SLF1: variants seen among roughly 807,000 people sequenced by gnomAD.
SLF1 encodes SMC5/6 complex localization factor 1.
Under a neutral mutation model 123.0 loss-of-function variants are expected in SLF1, and 105 were observed. The observed-to-expected ratio is 0.85, with a 90% CI of 0.73 to 1.00. The LOEUF is 1.00. SLF1 is among the 50% of genes least tolerant of loss of function. The pLI, the probability that SLF1 is intolerant of heterozygous loss-of-function variation, is 0.00. For missense variants in SLF1, 1,239 were observed against 1,223.0 expected (o/e 1.01, Z -0.20); for synonymous variants, 434 against 406.6 (o/e 1.07, Z -0.81).
chr5:94,686,589 A>G lies in SLF1; in HGVS notation c.1992A>G (p.Glu664=), dbSNP rs940684568. 21 of 1,613,772 alleles carry G rather than the reference A, an allele frequency of 1.3e-5. No homozygotes were observed. Among genetic ancestry groups the G allele is most frequent in the Non-Finnish European group, 1.6e-5 (19 of 1,179,840 alleles). The change falls in exon 16 of 21, where the codon GAA becomes GAG. Residue 664 remains glutamate (E), a synonymous_variant. Coordinates refer to ENST00000265140, the MANE Select transcript of SLF1 (RefSeq NM_032290.4). ...GTTCTCCAGACTTTTCTTCACAGGA[A>G]TTAGAGATTTTCATTTGCTCCTTTT... ...SLSCDDFSSQ[E]LEIFICSFSS...
intron 3 of SLF1, 112 bp from the exon 4 acceptor site, chr5:94,630,391 A>C: frequency 8.0e-7 from 1 of 1,247,420 alleles, no homozygotes; most frequent in South Asian, 1.6e-5. Flanking sequence ...TGTTAGCAGC[A>C]TAGCTTAAGA....
rs1295015466 is a variant in SLF1, at chr5:94,670,967, T to C, written c.1786T>C (p.Trp596Arg). 1 of 1,549,054 alleles carries C rather than the reference T, an allele frequency of 6.5e-7. No individual in the cohort carries two copies. The highest frequency in any genetic ancestry group is 8.7e-7 in the Non-Finnish European group (1 of 1,145,132). The part of the protein sequence containing the change: ...LTKPVNMLLE[W>R]TIYSHKEKFK... Reference sequence around the variant, plus strand: ...CAAACCAGTAAATATGCTTTTGGAATGGACTATATATTCTCACAAGGAAAA... The same window carrying C: ...CAAACCAGTAAATATGCTTTTGGAACGGACTATATATTCTCACAAGGAAAA... Residue 596 changes from tryptophan to arginine, a missense_variant, in exon 14 of 21, where the codon TGG (tryptophan) becomes CGG (arginine). Trp to Arg is a moderately radical substitution (Grantham distance 101). Transcript: ENST00000265140.
At position 94,692,099 on chromosome 5, in the gene SLF1, T is replaced by C; in HGVS notation, c.2538T>C (p.His846=). 1 of 1,613,650 alleles carries C rather than the reference T, an allele frequency of 6.2e-7. No individual in the cohort carries two copies. The highest frequency in any genetic ancestry group is 8.5e-7 in the Non-Finnish European group (1 of 1,179,706). ...ACAATGCTGGCTGGACGCCTTTGCA[T>C]GAAGCCTGTAACTATGGCAACACAG... ...VKDNAGWTPL[H]EACNYGNTVC... is the part of the protein sequence containing the mutation. Residue 846 remains histidine (H), a synonymous_variant, in exon 20 of 21, where the codon CAT becomes CAC. Coordinates refer to ENST00000265140, the MANE Select transcript of SLF1 (RefSeq NM_032290.4).
intron 3 of SLF1, 27 bp downstream of exon 3, chr5:94,629,194 T>C: frequency 6.6e-7 from 1 of 1,514,828 alleles, no homozygotes; most frequent in Middle Eastern, 1.7e-4. Context: ...CCCCCAACTT[T>C]TAAAAACAAT....
intron 18 of SLF1, 125 bp downstream of exon 18, chr5:94,689,731 AC>A: frequency 3.9e-6 from 3 of 768,264 alleles, no homozygotes; most frequent in Non-Finnish European, 4.1e-6. Context: ...TCCAGGAAGT[AC>A]CTTCTTGGAT....
At chr5:94,647,341 A>G (rs540837856) in intron 5 of SLF1, among the ~76,000 whole-genome samples, 17 of 152,314 alleles carry the variant, frequency 1.1e-4, no homozygotes, top group African/African-American at 1.7e-4. Flanking sequence ...CTTCTTATGC[A>G]TCTGGTCTAA....
intron 13 of SLF1, among the ~76,000 whole-genome samples, chr5:94,670,600 A>G (rs1033954139): frequency 9.9e-5 from 15 of 152,022 alleles, no homozygotes; most frequent in African/African-American, 3.6e-4. Flanking sequence ...TGAGCCTACA[A>G]TGGTAAGTTT....
At chr5:94,671,057 G>T in intron 14 of SLF1, 49 bp downstream of exon 14, 1 of 1,278,678 alleles carries the variant, frequency 7.8e-7, no homozygotes, top group South Asian at 1.6e-5. Flanking sequence ...ACAGCACTTT[G>T]AATTATTTAC....
intron 15 of SLF1, among the ~76,000 whole-genome samples, chr5:94,679,610 C>A (rs1376647759): frequency 6.0e-5 from 9 of 151,180 alleles, no homozygotes; most frequent in Admixed American, 1.3e-4. Context: ...AAAAAACAAA[C>A]AAAAAAAACT....
At chr5:94,661,537 TTG>T in intron 9 of SLF1, among the ~76,000 whole-genome samples, 1 of 151,634 alleles carries the variant, frequency 6.6e-6, no homozygotes. Flanking sequence ...TTTTGTTTTT[TTG>T]TTTTTTTTTT....
At chr5:94,625,966 A>T (rs1018461559) in intron 1 of SLF1, among the ~76,000 whole-genome samples, 1 of 152,038 alleles carries the variant, frequency 6.6e-6, no homozygotes, top group African/African-American at 2.4e-5. Flanking sequence ...AAAAAATTGT[A>T]TGATTAGGTC....
intron 5 of SLF1, among the ~76,000 whole-genome samples, chr5:94,647,248 A>ATT (rs1747169704): frequency 6.6e-6 from 1 of 152,248 alleles, no homozygotes; most frequent in Non-Finnish European, 1.5e-5. Context: ...GTGAAATACT[A>ATT]TTTAAGCATC....
rs145460338 is a variant in SLF1, at chr5:94,639,320, G to A, written c.432-3953G>A. 4.1e-3 allele frequency among the ~76,000 whole-genome samples: 626 copies of A among 152,216 alleles called. 4 individuals are homozygous for A. Among genetic ancestry groups the A allele is most frequent in the African/African-American group, 0.015 (605 of 41,530 alleles). On this transcript the variant is annotated intron_variant, in intron 4 of 20. Transcript: ENST00000265140. ...CTCCCAAAGTGCTGGGATTACAGGC[G>A]TGAGCCACTGCAGCCAGCCATCCCA...
intron 11 of SLF1, 127 bp downstream of exon 11, chr5:94,664,035 A>T (rs1025140760): frequency 1.9e-5 from 16 of 856,548 alleles, no homozygotes; most frequent in Admixed American, 3.7e-5. Flanking sequence ...CATTTCACTA[A>T]TGCAGTACCC....
intron 14 of SLF1, among the ~76,000 whole-genome samples, chr5:94,672,142 T>C (rs1248042827): frequency 6.6e-6 from 1 of 152,142 alleles, no homozygotes; most frequent in Non-Finnish European, 1.5e-5. Context: ...TTCTGCTTCA[T>C]GTATGCTAAT....
At chr5:94,629,966 G>A (rs546309668) in intron 3 of SLF1, among the ~76,000 whole-genome samples, 8 of 152,018 alleles carry the variant, frequency 5.3e-5, no homozygotes, top group Admixed American at 2.6e-4. Flanking sequence ...GCAACGTAGC[G>A]AGATCTCATC....
intron 15 of SLF1, among the ~76,000 whole-genome samples, chr5:94,682,813 A>G (rs1751965775): frequency 6.6e-6 from 1 of 152,226 alleles, no homozygotes; most frequent in Non-Finnish European, 1.5e-5. Flanking sequence ...GAAATTCCTC[A>G]TGTAGTGGCT....
chr5:94,644,280 T>C (rs1437456796), intron 5 of SLF1, among the ~76,000 whole-genome samples: 1 of 152,162 alleles, frequency 6.6e-6, no homozygotes, highest in African/African-American at 2.4e-5. Flanking sequence ...TCTAATTTCC[T>C]AGTTACTCTT....
chr5:94,627,585 C>CATATAT (rs58847356), intron 1 of SLF1, among the ~76,000 whole-genome samples: 2,652 of 86,436 alleles, frequency 0.031, 149 homozygotes, highest in African/African-American at 0.05. Context: ...ATGAAATTAA[C>CATATAT]ATATATATAT....
Sources: allele counts gnomAD v4.1 joint callset (sites outside exome capture counted in the v4.1 genomes callset), GRCh38; gene constraint gnomAD v4.1.1; transcripts MANE v1.5; gene names NCBI Gene and HGNC (gene_info 2026-07-23, HGNC 2026-07-21).